Variants in MROH1 observed in about 807,000 individuals in gnomAD.
The protein encoded by MROH1 is maestro heat like repeat family member 1, also known as maestro heat-like repeat-containing protein family member 1.
Under a neutral mutation model 116.5 loss-of-function variants are expected in MROH1, and 117 were observed. That is an observed-to-expected ratio of 1.00 (90% confidence interval 0.86 to 1.17). MROH1 has a LOEUF of 1.17. MROH1 is among the 50% of genes most tolerant of loss of function. The pLI is 0.00. For missense variants in MROH1, 1,873 were observed against 1,338.5 expected (o/e 1.40, Z -6.23); for synonymous variants, 921 against 583.9 (o/e 1.58, Z -8.32).
intron 4 of MROH1, among the ~76,000 whole-genome samples, chr8:144,177,246 A>G (rs1390993277): frequency 6.6e-6 from 1 of 152,190 alleles, no homozygotes; most frequent in African/African-American, 2.4e-5. Context: ...CGTTTGAGAT[A>G]GTTGCGTGAT....
chr8:144,261,126 C>T lies in MROH1; in HGVS notation c.4684C>T (p.Pro1562Ser). Residue 1562 changes from proline to serine, a missense_variant, in exon 42 of 44, where the codon CCA (proline) becomes TCA (serine). Pro to Ser is a moderately conservative substitution (Grantham distance 74). Coordinates refer to ENST00000326134, the MANE Select transcript of MROH1 (RefSeq NM_032450.3). ...GGCCTCTCCCCAGATGCACCATTTC[C>T]CAGACCTGCTGGGCCGTCTCCTGAC... ...TTCKHLMHHF[P>S]DLLGRLLTTC... is the part of the protein sequence containing the mutation. The T allele has an allele frequency of 1.3e-6, 1 of 774,836 alleles. No individual in the cohort carries two copies. The highest frequency in any genetic ancestry group is 2.4e-6 in the Non-Finnish European group (1 of 417,666). The allele number at this position is 774,836 out of a possible 1,614,324, so 48.0% of individuals were successfully genotyped here.
intron 14 of MROH1, among the ~76,000 whole-genome samples, chr8:144,225,214 G>T (rs1286240530): frequency 6.6e-6 from 1 of 151,902 alleles, no homozygotes; most frequent in Non-Finnish European, 1.5e-5. Flanking sequence ...GGCACTTCTT[G>T]TGCCCATTTT....
At chr8:144,195,469 T>C (rs1215784498) in intron 10 of MROH1, among the ~76,000 whole-genome samples, 8 of 113,762 alleles carry the variant, frequency 7.0e-5, no homozygotes, top group Admixed American at 2.4e-4. Context: ...GCCACTGCAC[T>C]CCAGCCTGGG....
chr8:144,218,693 T>TCCTCCCCTCCCC (rs1564502399), intron 12 of MROH1, among the ~76,000 whole-genome samples: 1 of 15,878 alleles, frequency 6.3e-5, no homozygotes, highest in Non-Finnish European at 1.1e-4. Context: ...CTCCCCTCTC[T>TCCTCCCCTCCCC]CCTCCCCTCT....
Position 144,180,043 on chromosome 8 carries a change from G to T in MROH1, c.301-135G>T. On this transcript the variant is annotated intron_variant, in intron 5 of 43. Coordinates refer to ENST00000326134, the MANE Select transcript of MROH1 (RefSeq NM_032450.3). This position sits in a 1 kb window ranked among gnomAD's most constrained non-coding sequence, Gnocchi z 7.4. The stretch of plus-strand genomic sequence containing the variant: ...CAGCAGCCCCTCAGCAGAGGAGGCT[G>T]TGCCCGCCACCTTCCCTGACCTGCA... 1 of 1,097,072 alleles carries T rather than the reference G, an allele frequency of 9.1e-7. No homozygotes were observed. The highest frequency in any genetic ancestry group is 2.4e-4 in the Middle Eastern group (1 of 4,138). The allele number at this position is 1,097,072 out of a possible 1,614,324, so 68.0% of individuals were successfully genotyped here.
chr8:144,176,827 C>CA (rs5895785), intron 4 of MROH1, among the ~76,000 whole-genome samples: 196 of 126,466 alleles, frequency 1.5e-3, no homozygotes, highest in African/African-American at 4.9e-3. Context: ...GACTCTGTCT[C>CA]AAAAAAAAAA....
At chr8:144,162,720 CTTTTG>C (rs993138994) in intron 2 of MROH1, among the ~76,000 whole-genome samples, 3 of 150,130 alleles carry the variant, frequency 2.0e-5, no homozygotes, top group African/African-American at 7.4e-5. Context: ...TTCTTTCTTT[CTTTTG>C]TTTTTTTTTT....
rs1842136674 is a variant in MROH1, at chr8:144,247,708, G to T, written c.3120+29G>T. The T allele has an allele frequency of 9.6e-6, 7 of 732,560 alleles. No individual in the cohort carries two copies. In the Admixed American group the frequency reaches 1.3e-4, roughly 13 times the overall value. 45.4% of individuals were successfully genotyped at this position (732,560 alleles called of 1,614,324 possible). A position where few individuals can be genotyped will look rare whatever the true frequency, so the allele number is the denominator to read the frequency against. On this transcript the variant is annotated intron_variant, in intron 31 of 43. Coordinates refer to ENST00000326134, the MANE Select transcript of MROH1 (RefSeq NM_032450.3). ...CCAGCTGGGAGCTCTGCGGCCGGAA[G>T]GCAGGCTGGCACTGTCTGGGGCTAA...
chr8:144,223,066 C>G, intron 13 of MROH1, 42 bp from the exon 14 acceptor site: 3 of 1,610,512 alleles, frequency 1.9e-6, no homozygotes, highest in African/African-American at 1.3e-5. Context: ...GCATGGCAGT[C>G]TCTGCGTCCC....
chr8:144,191,964 C>T (rs778414075), intron 9 of MROH1, 109 bp downstream of exon 9: 17 of 1,295,924 alleles, frequency 1.3e-5, no homozygotes, highest in Non-Finnish European at 1.8e-5. Flanking sequence ...GGGGGTGGCC[C>T]TGAGTTCTCT....
chr8:144,221,727 C>T (rs1414487064), intron 13 of MROH1, among the ~76,000 whole-genome samples: 2 of 152,178 alleles, frequency 1.3e-5, no homozygotes, highest in African/African-American at 4.8e-5. Context: ...CCTGCAATGC[C>T]AGGTGGCTAA....
At chr8:144,152,572 A>G (rs1395828983) in intron 1 of MROH1, among the ~76,000 whole-genome samples, 3 of 136,246 alleles carry the variant, frequency 2.2e-5, no homozygotes, top group African/African-American at 1.1e-4. Flanking sequence ...TTTTTGAGAC[A>G]GTCTCGCTCT....
At chr8:144,152,583 G>T (rs1476910446) in intron 1 of MROH1, among the ~76,000 whole-genome samples, 2 of 150,134 alleles carry the variant, frequency 1.3e-5, no homozygotes, top group African/African-American at 5.0e-5. Context: ...GTCTCGCTCT[G>T]TCGCCCAGGC....
At position 144,243,593 on chromosome 8, in the gene MROH1, G is replaced by A; in HGVS notation, c.2452G>A (p.Ala818Thr). 1 of 779,980 alleles carries A rather than the reference G, an allele frequency of 1.3e-6. No homozygotes were observed. 48.3% of individuals were successfully genotyped at this position (779,980 alleles called of 1,614,324 possible). A position where few individuals can be genotyped will look rare whatever the true frequency, so the allele number is the denominator to read the frequency against. Reference protein sequence around the residue: ...QAGSFHFTRKAELVAQMMEFI... With the variant: ...QAGSFHFTRKTELVAQMMEFI... ...TGGCTCCTTCCACTTCACCCGGAAA[G>A]CAGAGCTGGTGGCACAGATGATGGT... The change falls in exon 25 of 44, where the codon GCA (alanine) becomes ACA (threonine). Residue 818 changes from alanine (A) to threonine (T), a missense_variant. Transcript: ENST00000326134.
chr8:144,186,313 G>A (rs1040734658), intron 7 of MROH1, among the ~76,000 whole-genome samples: 4 of 151,982 alleles, frequency 2.6e-5, no homozygotes, highest in African/African-American at 9.7e-5. Context: ...GTAGAGACGG[G>A]GTTTCCCCAT....
chr8:144,244,761 C>T (rs1482350544), intron 28 of MROH1, among the ~76,000 whole-genome samples: 5 of 152,320 alleles, frequency 3.3e-5, no homozygotes, highest in East Asian at 1.9e-4. Context: ...TGTCCTCTCC[C>T]GCCACTGCAT....
At chr8:144,158,935 C>T (rs916164547) in intron 1 of MROH1, among the ~76,000 whole-genome samples, 2 of 152,114 alleles carry the variant, frequency 1.3e-5, no homozygotes, top group Non-Finnish European at 2.9e-5. Context: ...GACAGGGCTT[C>T]GCTGTGTTAC....
In MROH1 at chr8:144,200,435, C is replaced by T. The variant is rs974176723; in HGVS notation, c.1035C>T (p.Ser345=). 38 of 1,548,922 alleles carry T rather than the reference C, an allele frequency of 2.5e-5. No individual in the cohort carries two copies. The highest frequency in any genetic ancestry group is 3.2e-5 in the Non-Finnish European group (37 of 1,146,444). Residue 345 remains serine, a synonymous_variant, in exon 12 of 44, where the codon AGC becomes AGT. Transcript: ENST00000326134. ...VLRCFTVLAC[S]SPDRLLAFLL... ...GTACCCGTTGCCCTGTAGCCTGCAG[C>T]TCGCCTGACCGCCTACTGGCCTTCC... is the stretch of plus-strand genomic sequence containing the variant.
At chr8:144,247,196 C>G (rs1842063670) in intron 29 of MROH1, 105 bp from the exon 30 acceptor site, 8 of 694,468 alleles carry the variant, frequency 1.2e-5, no homozygotes, top group Non-Finnish European at 1.8e-5. Flanking sequence ...TCGTGGACAC[C>G]AGCAGCACTC....
Sources: allele counts gnomAD v4.1 joint callset (sites outside exome capture counted in the v4.1 genomes callset), GRCh38; gene constraint gnomAD v4.1.1; non-coding constraint Gnocchi (gnomAD v3.1); transcripts MANE v1.5; gene names NCBI Gene and HGNC (gene_info 2026-07-23, HGNC 2026-07-21).